FGD3: variants seen among roughly 807,000 people sequenced by gnomAD.
The protein encoded by FGD3 is FYVE, RhoGEF and PH domain containing 3.
FGD3 carries 45 observed loss-of-function variants against 71.8 expected under a neutral mutation model. The observed-to-expected ratio is 0.63, with a 90% CI of 0.49 to 0.80. The LOEUF (loss-of-function observed/expected upper bound fraction) is 0.80. FGD3 is among the 30% of genes least tolerant of loss of function. FGD3 has a pLI of 0.00. For missense variants in FGD3, 844 were observed against 951.5 expected, an observed-to-expected ratio of 0.89 and a Z score of 1.49; for synonymous variants, 378 against 392.8, an observed-to-expected ratio of 0.96 and a Z score of 0.44.
At chr9:92,995,943 T>G (rs986645416) in intron 3 of FGD3, among the ~76,000 whole-genome samples, 8 of 152,310 alleles carry the variant, frequency 5.3e-5, no homozygotes, top group East Asian at 1.9e-4. Context: ...TCTCTTTTTT[T>G]TTGTTGTGTC....
intron 10 of FGD3, among the ~76,000 whole-genome samples, chr9:93,017,123 C>T (rs1176171947): frequency 6.6e-6 from 1 of 151,974 alleles, no homozygotes; most frequent in East Asian, 1.9e-4. Context: ...AAAAAATTAG[C>T]CAGGCATGGT....
chr9:92,962,830 A>G (rs1172535195), intron 1 of FGD3, among the ~76,000 whole-genome samples: 1 of 151,924 alleles, frequency 6.6e-6, no homozygotes, highest in African/African-American at 2.4e-5. Context: ...AATCCCAGCT[A>G]CTTGGAAGGA....
At chr9:92,953,881 T>G (rs1859003046) in intron 1 of FGD3, among the ~76,000 whole-genome samples, 1 of 152,174 alleles carries the variant, frequency 6.6e-6, no homozygotes, top group Admixed American at 6.5e-5. Context: ...TTAGAGAGAT[T>G]TAGGACAGCT....
At chr9:92,997,374 C>T (rs1301573128) in intron 3 of FGD3, among the ~76,000 whole-genome samples, 4 of 152,262 alleles carry the variant, frequency 2.6e-5, no homozygotes, top group South Asian at 2.1e-4. Flanking sequence ...TGTCTCTGCA[C>T]GTGAGACGGG....
intron 3 of FGD3, among the ~76,000 whole-genome samples, chr9:92,981,855 A>G (rs575558749): frequency 2.6e-5 from 4 of 151,850 alleles, no homozygotes; most frequent in African/African-American, 9.7e-5. Flanking sequence ...CTTTTTTTTT[A>G]AAGTGACAGA....
At chr9:93,011,301 C>A (rs1223342105) in intron 8 of FGD3, 29 bp downstream of exon 8, 1 of 1,613,694 alleles carries the variant, frequency 6.2e-7, no homozygotes, top group Non-Finnish European at 8.5e-7. Context: ...TGGCGACCGG[C>A]AGGGTGGTGC....
At chr9:92,996,068 G>A (rs1441863408) in intron 3 of FGD3, among the ~76,000 whole-genome samples, 1 of 152,034 alleles carries the variant, frequency 6.6e-6, no homozygotes, top group Non-Finnish European at 1.5e-5. Context: ...GCTCCTCTTT[G>A]TACCTCTGGT....
chr9:92,973,864 G>T (rs887226086), intron 1 of FGD3, among the ~76,000 whole-genome samples: 1 of 152,172 alleles, frequency 6.6e-6, no homozygotes, highest in South Asian at 2.1e-4. Context: ...AGGGCTCCAT[G>T]CTGTGGACTC....
At chr9:93,006,259 T>C (rs1308996134) in intron 6 of FGD3, 79 bp downstream of exon 6, 1 of 1,308,150 alleles carries the variant, frequency 7.6e-7, no homozygotes, top group Non-Finnish European at 9.9e-7. Flanking sequence ...TAAAAACATA[T>C]GTATATATGT....
At position 93,002,971 on chromosome 9, in the gene FGD3, A is replaced by ACACC; in HGVS notation, c.501_504dup (p.Glu169HisfsTer36). The ACACC allele has an allele frequency of 6.2e-7, 1 of 1,614,102 alleles. No homozygotes were observed. The stretch of plus-strand genomic sequence containing the variant: ...CTCCACATTGCCCAGGAGCTCCTGC[A>ACACC]CACCGAGGAGACCTATGTGAAGCGG... On this transcript the variant is annotated frameshift_variant, in exon 4 of 18. Coordinates refer to ENST00000375482, the MANE Select transcript of FGD3 (RefSeq NM_001083536.2). LOFTEE classifies it high-confidence loss of function.
intron 11 of FGD3, among the ~76,000 whole-genome samples, chr9:93,018,788 C>T (rs1268868294): frequency 6.6e-6 from 1 of 152,144 alleles, no homozygotes; most frequent in Non-Finnish European, 1.5e-5. Flanking sequence ...GAAAATTAAG[C>T]CTCTGCCCAC....
chr9:92,979,804 T>G (rs1248818550), intron 3 of FGD3, among the ~76,000 whole-genome samples: 1 of 152,218 alleles, frequency 6.6e-6, no homozygotes, highest in Non-Finnish European at 1.5e-5. Context: ...CTTTCAAATT[T>G]TCTATTTCTT....
At chr9:93,030,544 G>A (rs775641511) in intron 15 of FGD3, among the ~76,000 whole-genome samples, 1 of 152,210 alleles carries the variant, frequency 6.6e-6, no homozygotes, top group Non-Finnish European at 1.5e-5. Flanking sequence ...TATCCCTGAG[G>A]AAGGAACTGA....
chr9:93,017,916 C>A (rs1202504581), intron 10 of FGD3, among the ~76,000 whole-genome samples: 1 of 152,162 alleles, frequency 6.6e-6, no homozygotes, highest in African/African-American at 2.4e-5. Context: ...GCGGTCATAG[C>A]TGTGTCTGAG....
At position 92,994,558 on chromosome 9, in the gene FGD3, G is replaced by T. The variant is rs555165651; in HGVS notation, c.454-8367G>T. On this transcript the variant is annotated intron_variant, in intron 3 of 17. Transcript: ENST00000375482. ...CATGAAGTCCTTGCCCATGCTTATG[G>T]CCTGAATGGTATTGCCTAGCTTTTC... Among the ~76,000 whole-genome samples the T allele has an allele frequency of 2.0e-5, 3 of 152,242 alleles. No homozygotes were observed. In the South Asian group the frequency reaches 6.2e-4, roughly 32 times the overall value.
In FGD3 at chr9:93,035,782, C is replaced by T; in HGVS notation, c.*193C>T. 1.2e-6 allele frequency: 1 copy of T among 819,076 alleles called. No individual in the cohort carries two copies. The highest frequency in any genetic ancestry group is 1.8e-6 in the Non-Finnish European group (1 of 560,172). 50.7% of individuals were successfully genotyped at this position (819,076 alleles called of 1,614,324 possible). ...CAACCACTGGCCAAGGGTCACCCAG[C>T]AAGTTTTGGCTAAGAGCCTGGCCTC... On this transcript the variant is annotated 3_prime_UTR_variant, in exon 18 of 18. Transcript: ENST00000375482.
intron 8 of FGD3, among the ~76,000 whole-genome samples, chr9:93,012,842 C>T (rs982961382): frequency 6.6e-6 from 1 of 152,162 alleles, no homozygotes; most frequent in Non-Finnish European, 1.5e-5. Flanking sequence ...CACCCAGCCC[C>T]CTGGGACATG....
At chr9:93,028,054 CT>C (rs1015029988) in intron 14 of FGD3, among the ~76,000 whole-genome samples, 1 of 152,008 alleles carries the variant, frequency 6.6e-6, no homozygotes, top group African/African-American at 2.4e-5. Context: ...TTATGTTAAA[CT>C]TTTTTTAAGC....
At chr9:93,023,986 A>T (rs1046396686) in intron 14 of FGD3, among the ~76,000 whole-genome samples, 1 of 151,878 alleles carries the variant, frequency 6.6e-6, no homozygotes, top group African/African-American at 2.4e-5. Context: ...TATTTTTAGT[A>T]GAGACGGGGT....
Sources: gnomAD v4.1 joint callset for allele counts (sites outside exome capture counted in the v4.1 genomes callset) on GRCh38, gnomAD v4.1.1 for gene constraint, MANE v1.5 for transcripts, NCBI Gene and HGNC (gene_info 2026-07-23, HGNC 2026-07-21) for gene names.